The following SLC30A8 variants were observed in gnomAD, a reference collection of about 807,000 sequenced individuals.
The protein encoded by SLC30A8 is solute carrier family 30 member 8, also known as proton-coupled zinc antiporter SLC30A8.
In SLC30A8, 27 loss-of-function variants were observed where a neutral mutation model predicts 36.9. The ratio of observed to expected loss-of-function variants is 0.73; its 90% CI spans 0.54 to 1.01. The LOEUF (loss-of-function observed/expected upper bound fraction) is 1.01, where lower values mean the gene tolerates loss of function less well. SLC30A8 is among the 50% of genes least tolerant of loss of function. SLC30A8 has a pLI of 0.00. For synonymous variants in SLC30A8, 164 were observed against 172.4 expected (o/e 0.95, Z 0.38); for missense variants, 439 against 452.0 (o/e 0.97, Z 0.26).
At chr8:117,026,408 A>G (rs541696043) in intron 1 of SLC30A8, among the ~76,000 whole-genome samples, 6 of 152,318 alleles carry the variant, frequency 3.9e-5, no homozygotes, top group South Asian at 2.1e-4. Context: ...AACGGCAAAG[A>G]GAAATGTTTA....
intron 1 of SLC30A8, among the ~76,000 whole-genome samples, chr8:117,020,070 G>A (rs1313641698): frequency 6.6e-6 from 1 of 152,210 alleles, no homozygotes; most frequent in Non-Finnish European, 1.5e-5. Flanking sequence ...CCGCCTCAGT[G>A]CAGGGCTCAG....
intron 2 of SLC30A8, among the ~76,000 whole-genome samples, chr8:117,113,655 C>T (rs181863902): frequency 1.4e-4 from 22 of 152,204 alleles, no homozygotes; most frequent in Admixed American, 7.2e-4. Context: ...ATTGCCAAGG[C>T]GCCAGCATGC....
chr8:117,015,555 A>T (rs1232023947), intron 1 of SLC30A8, among the ~76,000 whole-genome samples: 3 of 152,004 alleles, frequency 2.0e-5, no homozygotes, highest in Non-Finnish European at 4.4e-5. Flanking sequence ...CCCCAAAAAA[A>T]AGAGGGCGAG....
chr8:117,001,610 G>GT (rs1174701711), intron 1 of SLC30A8, among the ~76,000 whole-genome samples: 1 of 152,140 alleles, frequency 6.6e-6, no homozygotes, highest in Non-Finnish European at 1.5e-5. Flanking sequence ...GACTAGAATA[G>GT]TTTTTTTCAC....
chr8:117,066,681 A>G (rs1176516306), intron 2 of SLC30A8, among the ~76,000 whole-genome samples: 2 of 152,064 alleles, frequency 1.3e-5, no homozygotes, highest in South Asian at 2.1e-4. Context: ...GGGAGATCCA[A>G]TCATCTCATA....
At chr8:117,044,001 C>G (rs1414737096) in intron 2 of SLC30A8, among the ~76,000 whole-genome samples, 1 of 152,130 alleles carries the variant, frequency 6.6e-6, no homozygotes, top group Admixed American at 6.6e-5. Context: ...GATGATCCAT[C>G]AACTAGTAGT....
chr8:116,958,044 G>GC (rs1272280387), intron 1 of SLC30A8, among the ~76,000 whole-genome samples: 1 of 152,118 alleles, frequency 6.6e-6, no homozygotes, highest in East Asian at 1.9e-4. Context: ...TGCTTTCAAG[G>GC]CTTCTATTCC....
At chr8:116,961,642 C>A (rs1159047834) in intron 1 of SLC30A8, among the ~76,000 whole-genome samples, 1 of 151,918 alleles carries the variant, frequency 6.6e-6, no homozygotes, top group African/African-American at 2.4e-5. Flanking sequence ...AAATTTATTT[C>A]CCATATTTCT....
chr8:117,078,299 G>A (rs531962750), intron 2 of SLC30A8, among the ~76,000 whole-genome samples: 1 of 152,218 alleles, frequency 6.6e-6, no homozygotes, highest in Non-Finnish European at 1.5e-5. Flanking sequence ...GAAAATTCTA[G>A]TCCTACTGCT....
chr8:116,996,286 G>T (rs1260475017), intron 1 of SLC30A8, among the ~76,000 whole-genome samples: 1 of 152,164 alleles, frequency 6.6e-6, no homozygotes. Flanking sequence ...CTAAGCTGGG[G>T]TGAGAACTCA....
chr8:117,162,388 G>A (rs1463285356), intron 5 of SLC30A8, among the ~76,000 whole-genome samples: 2 of 152,066 alleles, frequency 1.3e-5, no homozygotes, highest in Non-Finnish European at 2.9e-5. Context: ...TAGAGCACCT[G>A]ATTTATTGTT....
chr8:117,014,826 A>G (rs1048498726), intron 1 of SLC30A8, among the ~76,000 whole-genome samples: 12 of 151,950 alleles, frequency 7.9e-5, no homozygotes, highest in African/African-American at 2.4e-4. Context: ...CCCTAACTTT[A>G]GTCTGTGGGA....
At chr8:116,980,706 G>A (rs759615198) in intron 1 of SLC30A8, among the ~76,000 whole-genome samples, 1 of 152,136 alleles carries the variant, frequency 6.6e-6, no homozygotes, top group Non-Finnish European at 1.5e-5. Flanking sequence ...GCAGAACAAG[G>A]TAAAGAATGA....
chr8:117,020,326 A>G (rs1246925441), intron 1 of SLC30A8, among the ~76,000 whole-genome samples: 1 of 152,248 alleles, frequency 6.6e-6, no homozygotes, highest in African/African-American at 2.4e-5. Flanking sequence ...AAACTAAATT[A>G]ACTATCGTTT....
At chr8:116,997,744 G>A (rs1815868437) in intron 1 of SLC30A8, among the ~76,000 whole-genome samples, 1 of 152,180 alleles carries the variant, frequency 6.6e-6, no homozygotes, top group South Asian at 2.1e-4. Flanking sequence ...GAGTAAATGA[G>A]ACCCAAGGCT....
At chr8:117,037,991 A>G (rs965135299) in intron 1 of SLC30A8, among the ~76,000 whole-genome samples, 2 of 152,246 alleles carry the variant, frequency 1.3e-5, no homozygotes, top group Admixed American at 1.3e-4. Flanking sequence ...TTGCAGGTGA[A>G]GTTAGAGAAC....
At chr8:117,095,805 G>A (rs922331436) in intron 2 of SLC30A8, among the ~76,000 whole-genome samples, 4 of 152,194 alleles carry the variant, frequency 2.6e-5, no homozygotes, top group Admixed American at 2.6e-4. Context: ...GCTCAGCCTA[G>A]AGTTTAGTTA....
Position 117,176,540 on chromosome 8 carries a change from T to TAACA in SLC30A8, c.*3860_*3863dup, listed in dbSNP as rs1823699793. On this transcript the variant is annotated 3_prime_UTR_variant, in exon 8 of 8. Coordinates refer to ENST00000456015, the MANE Select transcript of SLC30A8 (RefSeq NM_173851.3). ...CTGGCTTGACAGTGATGAGGCCACTTAACAGTCCAGCGCAGGCGGATGTTA... is the reference window on the plus strand; with the variant it reads ...CTGGCTTGACAGTGATGAGGCCACTTAACAAACAGTCCAGCGCAGGCGGATGTTA... The TAACA allele has an allele frequency of 1.3e-5, 2 of 152,476 alleles. No individual in the cohort carries two copies. Among genetic ancestry groups the TAACA allele is most frequent in the African/African-American group, 4.8e-5 (2 of 41,434 alleles). 9.4% of individuals were successfully genotyped at this position (152,476 alleles called of 1,614,324 possible).
At chr8:116,972,721 G>A (rs1300005672) in intron 1 of SLC30A8, among the ~76,000 whole-genome samples, 1 of 152,182 alleles carries the variant, frequency 6.6e-6, no homozygotes, top group East Asian at 1.9e-4. Flanking sequence ...TACTCAAGTG[G>A]TCAGAGAACT....
Sources: gnomAD v4.1 joint callset for allele counts (sites outside exome capture counted in the v4.1 genomes callset) on GRCh38, gnomAD v4.1.1 for gene constraint, MANE v1.5 for transcripts, NCBI Gene and HGNC (gene_info 2026-07-23, HGNC 2026-07-21) for gene names.